Variants in KCNB2 observed in about 807,000 individuals in gnomAD.
KCNB2 encodes potassium voltage-gated channel subfamily B member 2.
Under a neutral mutation model 61.5 loss-of-function variants are expected in KCNB2, and 15 were observed. That is an observed-to-expected ratio of 0.24 (90% CI 0.16 to 0.38). The LOEUF (loss-of-function observed/expected upper bound fraction) is 0.38, where lower values mean the gene tolerates loss of function less well. Among genes scored for constraint, KCNB2 ranks in the 10% least tolerant of loss-of-function variants. The pLI, the probability that KCNB2 is intolerant of heterozygous loss-of-function variation, is 1.00. For missense variants in KCNB2, 828 were observed against 1,125.2 expected (o/e 0.74, Z 3.78); for synonymous variants, 457 against 446.0 (o/e 1.02, Z -0.31).
At chr8:72,813,300 G>A (rs1183293640) in intron 2 of KCNB2, among the ~76,000 whole-genome samples, 3 of 151,998 alleles carry the variant, frequency 2.0e-5, no homozygotes, top group Non-Finnish European at 4.4e-5. Context: ...ACCTGCCTCT[G>A]CTGCTGAAGT....
At position 72,937,743 on chromosome 8, in the gene KCNB2, C is replaced by A. The variant is rs755445920; in HGVS notation, c.2388C>A (p.Phe796Leu). 1.2e-6 allele frequency: 2 copies of A among 1,614,060 alleles called. No individual in the cohort carries two copies. Among genetic ancestry groups the A allele is most frequent in the South Asian group, 2.2e-5 (2 of 91,082 alleles). Reference sequence around the variant, plus strand: ...TTCCCAAGCAGAAACTGTTCCCTTTCTCTTCAAGAGAGAGGAGGAGCTTCA... The same window carrying A: ...TTCCCAAGCAGAAACTGTTCCCTTTATCTTCAAGAGAGAGGAGGAGCTTCA... ...PRFPKQKLFPFSSRERRSFTE... is the reference protein window; with the variant it reads ...PRFPKQKLFPLSSRERRSFTE... Residue 796 changes from phenylalanine to leucine, a missense_variant, in exon 3 of 3, where the codon TTC becomes TTA. Transcript: ENST00000523207.
chr8:72,788,381 C>G lies in KCNB2; in HGVS notation c.580-147554C>G, dbSNP rs190485653. Among the ~76,000 whole-genome samples, 13 of 152,044 alleles carry G rather than the reference C, an allele frequency of 8.6e-5. No individual in the cohort carries two copies. The East Asian group carries it at 2.5e-3, about 29-fold the overall frequency. ...GTCCTCATAAGGCATTTTCTTTGTGCGCACATAAAGAAAAGGAGTCCTGGG... is the reference window on the plus strand; with the variant it reads ...GTCCTCATAAGGCATTTTCTTTGTGGGCACATAAAGAAAAGGAGTCCTGGG... On this transcript the variant is annotated intron_variant, in intron 2 of 2. Coordinates refer to ENST00000523207, the MANE Select transcript of KCNB2 (RefSeq NM_004770.3).
chr8:72,561,761 G>GTA (rs1563523550), intron 1 of KCNB2, among the ~76,000 whole-genome samples: 2 of 24,404 alleles, frequency 8.2e-5, no homozygotes, highest in African/African-American at 3.2e-4. Context: ...ATATATATAT[G>GTA]GATATATATA....
chr8:72,710,470 A>G (rs559924010), intron 2 of KCNB2, among the ~76,000 whole-genome samples: 1 of 152,086 alleles, frequency 6.6e-6, no homozygotes, highest in African/African-American at 2.4e-5. Flanking sequence ...ATATATATAT[A>G]TATATAAAAC....
intron 2 of KCNB2, among the ~76,000 whole-genome samples, chr8:72,758,077 G>A (rs1208142563): frequency 6.6e-6 from 1 of 152,212 alleles, no homozygotes; most frequent in East Asian, 1.9e-4. Flanking sequence ...ATTGCCCTCT[G>A]CAGAGTGGCT....
intron 2 of KCNB2, among the ~76,000 whole-genome samples, chr8:72,840,175 C>T (rs1809856054): frequency 6.6e-6 from 1 of 152,022 alleles, no homozygotes; most frequent in Non-Finnish European, 1.5e-5. Flanking sequence ...GTTTTCTGTT[C>T]CTGTGTTACT....
At chr8:72,931,280 G>T (rs551033736) in intron 2 of KCNB2, among the ~76,000 whole-genome samples, 17 of 152,254 alleles carry the variant, frequency 1.1e-4, no homozygotes, top group Admixed American at 7.2e-4. Flanking sequence ...TGGCAATGGG[G>T]GCTCTTTTTT....
chr8:72,633,196 T>G (rs1027961283), intron 2 of KCNB2, among the ~76,000 whole-genome samples: 1 of 152,106 alleles, frequency 6.6e-6, no homozygotes, highest in African/African-American at 2.4e-5. Context: ...AGGGCGGTGG[T>G]CCCTGCTTCC....
chr8:72,853,046 T>C (rs1810146655), intron 2 of KCNB2, among the ~76,000 whole-genome samples: 1 of 152,224 alleles, frequency 6.6e-6, no homozygotes, highest in Non-Finnish European at 1.5e-5. Context: ...AAAAGAGCAC[T>C]AGATTTGCAA....
rs537794807 is a variant in KCNB2 at position 72,851,784 on chromosome 8, G to A, written c.580-84151G>A. On this transcript the variant is annotated intron_variant, in intron 2 of 2. Transcript: ENST00000523207. Reference sequence around the variant, plus strand: ...GATGTTTACCTGAATTGAGCAAAGCGTTCTTTCTTCTTCCTTTTTTTTTTT... The same window carrying A: ...GATGTTTACCTGAATTGAGCAAAGCATTCTTTCTTCTTCCTTTTTTTTTTT... Among the ~76,000 whole-genome samples, 4 of 114,574 alleles carry A rather than the reference G, an allele frequency of 3.5e-5. No individual in the cohort carries two copies. The East Asian group carries it at 7.4e-4, about 21-fold the overall frequency. The allele number at this position is 114,574 out of a possible 152,430, so 75.2% of individuals were successfully genotyped here.
At chr8:72,638,466 A>G (rs1806002152) in intron 2 of KCNB2, among the ~76,000 whole-genome samples, 1 of 152,190 alleles carries the variant, frequency 6.6e-6, no homozygotes, top group African/African-American at 2.4e-5. Context: ...AAATAACTAC[A>G]TGATGATCTG....
intron 2 of KCNB2, among the ~76,000 whole-genome samples, chr8:72,620,812 T>C (rs1027050062): frequency 1.3e-5 from 2 of 152,092 alleles, no homozygotes; most frequent in African/African-American, 4.8e-5. Context: ...TTCACCACGT[T>C]GGCCAGGCTG....
chr8:72,555,748 A>T (rs1224774808), intron 1 of KCNB2, among the ~76,000 whole-genome samples: 1 of 118,442 alleles, frequency 8.4e-6, no homozygotes, highest in East Asian at 6.8e-4. Context: ...TTTTCTTTTT[A>T]TTTTATTTTA....
chr8:72,778,664 G>T (rs903055967), intron 2 of KCNB2, among the ~76,000 whole-genome samples: 1 of 136,098 alleles, frequency 7.3e-6, no homozygotes, highest in Non-Finnish European at 1.5e-5. Flanking sequence ...GAGCCCAGGA[G>T]GTCAAGGCTG....
Position 72,712,487 on chromosome 8 carries a change from A to G in KCNB2, c.579+144174A>G, listed in dbSNP as rs1372130290. Among the ~76,000 whole-genome samples the G allele has an allele frequency of 3.9e-5, 6 of 152,310 alleles. No individual in the cohort carries two copies. The East Asian group carries it at 7.7e-4, about 20-fold the overall frequency. On this transcript the variant is annotated intron_variant, in intron 2 of 2. Transcript: ENST00000523207. ...ACCTGGGCTAACTTTTAGTTGGATA[A>G]TGTGGTTTTCTTTGGTAACAATTAT...
chr8:72,603,740 A>G (rs1181301253), intron 2 of KCNB2, among the ~76,000 whole-genome samples: 4 of 152,206 alleles, frequency 2.6e-5, no homozygotes, highest in African/African-American at 9.6e-5. Flanking sequence ...AGATGTCATT[A>G]GTTAAGATGA....
intron 2 of KCNB2, among the ~76,000 whole-genome samples, chr8:72,862,196 G>A (rs2129004098): frequency 6.6e-6 from 1 of 152,196 alleles, no homozygotes; most frequent in South Asian, 2.1e-4. Flanking sequence ...ATTTCATTGA[G>A]AAACACTAGC....
chr8:72,872,120 G>A (rs1412421518), intron 2 of KCNB2, among the ~76,000 whole-genome samples: 1 of 152,184 alleles, frequency 6.6e-6, no homozygotes, highest in Non-Finnish European at 1.5e-5. Context: ...GTTTCACACA[G>A]CCTGTTGAAT....
chr8:72,593,555 TGGGCAACTCTA>T (rs1424184252), intron 2 of KCNB2, among the ~76,000 whole-genome samples: 2 of 152,228 alleles, frequency 1.3e-5, no homozygotes, highest in African/African-American at 4.8e-5. Context: ...CTTTAATTCC[TGGGCAACTCTA>T]GGGAGAGAGT....
Sources: allele counts gnomAD v4.1 joint callset (sites outside exome capture counted in the v4.1 genomes callset), GRCh38; gene constraint gnomAD v4.1.1; transcripts MANE v1.5; gene names NCBI Gene and HGNC (gene_info 2026-07-23, HGNC 2026-07-21).